ZFAT: variants seen among roughly 807,000 people sequenced by gnomAD.
ZFAT encodes zinc finger protein ZFAT.
Under a neutral mutation model 117.7 loss-of-function variants are expected in ZFAT, and 64 were observed. The ratio of observed to expected loss-of-function variants is 0.54; its 90% CI spans 0.44 to 0.67. ZFAT has a LOEUF of 0.67. ZFAT is among the 30% of genes least tolerant of loss of function. The pLI, the probability that ZFAT is intolerant of heterozygous loss-of-function variation, is 0.00. For synonymous variants in ZFAT, 679 were observed against 615.0 expected (o/e 1.10, Z -1.54); for missense variants, 1,433 against 1,584.5 (o/e 0.90, Z 1.62).
chr8:134,766,347 T>A, the ZFAT span: 1 of 152,284 alleles, frequency 6.6e-6, no homozygotes. Context: ...TAGGCCAACA[T>A]TTTTTTAAAA....
intron 1 of ZFAT, among the ~76,000 whole-genome samples, chr8:134,681,136 A>C (rs10091122): frequency 0.84 from 127,588 of 152,156 alleles, 53,900 homozygotes; most frequent in African/African-American, 0.93. Flanking sequence ...AGAGGCACAC[A>C]CAGAATGCAG....
chr8:134,502,045 T>C (rs1819024105), intron 15 of ZFAT, among the ~76,000 whole-genome samples: 1 of 152,228 alleles, frequency 6.6e-6, no homozygotes, highest in South Asian at 2.1e-4. Context: ...ACAATCACAG[T>C]TGTAGAATAG....
At chr8:134,717,139 T>C (rs1814220505), upstream of ZFAT, among the ~76,000 whole-genome samples, 1 of 152,212 alleles carries the variant, frequency 6.6e-6, no homozygotes, top group Admixed American at 6.5e-5. Context: ...CTGCTAATGT[T>C]AATGAAATGC....
At chr8:134,513,946 A>G (rs564674930) in intron 13 of ZFAT, among the ~76,000 whole-genome samples, 1 of 152,370 alleles carries the variant, frequency 6.6e-6, no homozygotes, top group African/African-American at 2.4e-5. Context: ...TCTCAGTACC[A>G]TGAGGCAACA....
At chr8:134,742,891 C>A in the ZFAT span, among the ~76,000 whole-genome samples, 1 of 152,186 alleles carries the variant, frequency 6.6e-6, no homozygotes, top group Non-Finnish European at 1.5e-5. Flanking sequence ...AAGGGGAGGG[C>A]CCTCCTGCCA....
chr8:134,630,497 C>T (rs778799351), intron 3 of ZFAT, among the ~76,000 whole-genome samples: 22 of 152,128 alleles, frequency 1.4e-4, no homozygotes, highest in African/African-American at 2.2e-4. Flanking sequence ...ATGAAGATTA[C>T]AGGTGGATCT....
At chr8:134,632,979 G>A (rs1403022457) in intron 3 of ZFAT, among the ~76,000 whole-genome samples, 2 of 152,156 alleles carry the variant, frequency 1.3e-5, no homozygotes, top group Non-Finnish European at 2.9e-5. Context: ...AACCCAGGAT[G>A]AAAAGGATAA....
chr8:134,805,097 GAA>G, the ZFAT span, among the ~76,000 whole-genome samples: 8 of 152,154 alleles, frequency 5.3e-5, no homozygotes, highest in Admixed American at 4.6e-4. Flanking sequence ...TAATTAAAGA[GAA>G]AGTGGTTCAC....
intron 7 of ZFAT, among the ~76,000 whole-genome samples, chr8:134,596,790 CTTTCATATGAAATGAAAGAAA>C (rs1243269390): frequency 5.3e-5 from 8 of 152,088 alleles, no homozygotes; most frequent in South Asian, 2.1e-4. Context: ...TTTATGATTT[CTTTCATATGAAATGAAAGAAA>C]TTTCATATGA....
At chr8:134,501,569 G>A (rs906497017) in intron 15 of ZFAT, among the ~76,000 whole-genome samples, 4 of 152,164 alleles carry the variant, frequency 2.6e-5, no homozygotes, top group African/African-American at 9.7e-5. Flanking sequence ...TACAACTGAA[G>A]ATGCTAGGGT....
intron 3 of ZFAT, among the ~76,000 whole-genome samples, chr8:134,611,571 C>T (rs1222488853): frequency 1.3e-5 from 2 of 152,142 alleles, no homozygotes; most frequent in African/African-American, 4.8e-5. Context: ...CCAGTCAGGC[C>T]TGGGGAGGGG....
the ZFAT span, among the ~76,000 whole-genome samples, chr8:134,727,040 C>T: frequency 6.6e-6 from 1 of 152,016 alleles, no homozygotes; most frequent in Non-Finnish European, 1.5e-5. Flanking sequence ...CCCTTTCCTG[C>T]CCTGCTCATG....
chr8:134,671,519 T>C (rs527290080), intron 1 of ZFAT, among the ~76,000 whole-genome samples: 1 of 152,298 alleles, frequency 6.6e-6, no homozygotes, highest in East Asian at 1.9e-4. Flanking sequence ...ATTATCTCAA[T>C]AGATGCAGAA....
intron 10 of ZFAT, among the ~76,000 whole-genome samples, chr8:134,567,514 C>T (rs1488456981): frequency 6.6e-6 from 1 of 151,946 alleles, no homozygotes. Context: ...ATAATCCACC[C>T]ATCTATCCAC....
At chr8:134,755,550 G>A in the ZFAT span, among the ~76,000 whole-genome samples, 4 of 152,086 alleles carry the variant, frequency 2.6e-5, no homozygotes, top group Admixed American at 2.6e-4. Flanking sequence ...GGTGGCTCAT[G>A]CCTGTAATCC....
chr8:134,730,900 T>C, the ZFAT span, among the ~76,000 whole-genome samples: 4 of 152,226 alleles, frequency 2.6e-5, no homozygotes, highest in Non-Finnish European at 4.4e-5. Context: ...ACTGATTTTT[T>C]GAACATCTGA....
Position 134,602,467 on chromosome 8 carries a change from C to A in ZFAT, c.1252G>T (p.Asp418Tyr), listed in dbSNP as rs751325894. Reference protein sequence around the residue: ...ICERKFKNELDRDRHMLVHGD... With the variant: ...ICERKFKNELYRDRHMLVHGD... ...TGGACCAGCATATGGCGGTCACGGT[C>A]CAGCTCGTTCTTGAACTTGCGCTCA... The change falls in exon 6 of 16, where the codon GAC (aspartate) becomes TAC (tyrosine). Residue 418 changes from aspartate to tyrosine, a missense_variant. Transcript: ENST00000377838. 1.2e-6 allele frequency: 2 copies of A among 1,613,832 alleles called. No homozygotes were observed. The highest frequency in any genetic ancestry group is 2.2e-5 in the South Asian group (2 of 91,076).
chr8:134,740,550 G>A, the ZFAT span, among the ~76,000 whole-genome samples: 5 of 152,228 alleles, frequency 3.3e-5, no homozygotes, highest in Admixed American at 6.5e-5. Flanking sequence ...CCCTTCTTAC[G>A]CATGTTTTTT....
intron 1 of ZFAT, among the ~76,000 whole-genome samples, chr8:134,676,791 C>T (rs187398178): frequency 1.4e-3 from 210 of 152,316 alleles, no homozygotes; most frequent in African/African-American, 4.8e-3. Flanking sequence ...GATTAAGAAA[C>T]TCACTCAAAA....
Sources: gnomAD v4.1 joint callset for allele counts (sites outside exome capture counted in the v4.1 genomes callset) on GRCh38, gnomAD v4.1.1 for gene constraint, MANE v1.5 for transcripts, NCBI Gene and HGNC (gene_info 2026-07-23, HGNC 2026-07-21) for gene names.